GPM6B: variants seen among roughly 807,000 people sequenced by gnomAD.
GPM6B encodes the protein glycoprotein M6B.
Under a neutral mutation model 27.2 loss-of-function variants are expected in GPM6B, and 4 were observed. The observed-to-expected ratio is 0.15, with a 90% CI of 0.07 to 0.34. GPM6B has a LOEUF of 0.34. Ranked by LOEUF, GPM6B falls within the 10% of genes least tolerant of loss-of-function variation. The pLI, the probability that GPM6B is intolerant of heterozygous loss-of-function variation, is 1.00. For synonymous variants in GPM6B, 124 were observed against 103.1 expected (o/e 1.20, Z -1.23); for missense variants, 183 against 261.9 (o/e 0.70, Z 2.08).
chrX:13,813,537 C>G (rs1278146137), intron 1 of GPM6B, among the ~76,000 whole-genome samples: 1 of 111,777 alleles, frequency 8.9e-6, no homozygotes, highest in Non-Finnish European at 1.9e-5. Context: ...AATTCAATTA[C>G]CTACATATAA....
At chrX:13,911,383 TACAG>T (rs2050377543) in intron 1 of GPM6B, among the ~76,000 whole-genome samples, 1 of 112,071 alleles carries the variant, frequency 8.9e-6, no homozygotes, top group Non-Finnish European at 1.9e-5. Flanking sequence ...CTTAGGTGGC[TACAG>T]ACAAATGCTG....
intron 1 of GPM6B, among the ~76,000 whole-genome samples, chrX:13,855,712 T>C (rs1056183115): frequency 1.8e-5 from 2 of 112,138 alleles, no homozygotes; most frequent in Non-Finnish European, 3.8e-5. Flanking sequence ...CCTGTATAAC[T>C]GAACCCAAGA....
intron 1 of GPM6B, among the ~76,000 whole-genome samples, chrX:13,906,026 T>C (rs183517013): frequency 7.1e-5 from 8 of 112,685 alleles, no homozygotes; most frequent in East Asian, 5.5e-4. Context: ...ACCAGCTTCA[T>C]AGACTTCATT....
intron 1 of GPM6B, among the ~76,000 whole-genome samples, chrX:13,932,718 C>T (rs1178616110): frequency 2.7e-5 from 3 of 111,924 alleles, no homozygotes; most frequent in African/African-American, 9.7e-5. Flanking sequence ...AAACACAAAG[C>T]TGCCATTGCC....
upstream of GPM6B, among the ~76,000 whole-genome samples, chrX:13,820,658 T>C (rs1022594566): frequency 1.8e-5 from 2 of 111,186 alleles, no homozygotes; most frequent in African/African-American, 3.3e-5. Context: ...GTCCCCTTAA[T>C]CTGGATTTGA....
intron 5 of GPM6B, among the ~76,000 whole-genome samples, chrX:13,778,055 T>TG: frequency 3.7e-5 from 1 of 26,784 alleles, no homozygotes; most frequent in East Asian, 1.3e-3. Context: ...AATTGGTTTG[T>TG]TTTTTTTTTT....
chrX:13,829,013 C>A (rs758599709), intron 1 of GPM6B, among the ~76,000 whole-genome samples: 1 of 111,417 alleles, frequency 9.0e-6, no homozygotes, highest in African/African-American at 3.3e-5. Flanking sequence ...ATGGCAGGAA[C>A]AAAAGCTCAA....
chrX:13,938,608 G>A (rs1015256115), upstream of GPM6B: 2 of 418,150 alleles, frequency 4.8e-6, no homozygotes, highest in Non-Finnish European at 7.1e-6. Flanking sequence ...TCGCGGGCAC[G>A]TGCGCTGACC....
At chrX:13,821,637 C>G (rs753006803), upstream of GPM6B, among the ~76,000 whole-genome samples, 1 of 111,818 alleles carries the variant, frequency 8.9e-6, no homozygotes, top group Non-Finnish European at 1.9e-5. Flanking sequence ...GCTCTTGTTG[C>G]CTAGGCTGGA....
At chrX:13,923,413 G>A (rs749687038) in intron 1 of GPM6B, among the ~76,000 whole-genome samples, 8 of 111,906 alleles carry the variant, frequency 7.1e-5, no homozygotes, top group African/African-American at 3.2e-5. Context: ...TTGAGGCCTT[G>A]TTGAGGAATA....
At chrX:13,801,038 TAA>T (rs76875109) in intron 2 of GPM6B, among the ~76,000 whole-genome samples, 16 of 94,054 alleles carry the variant, frequency 1.7e-4, no homozygotes, top group African/African-American at 3.5e-4. Context: ...ACCTCATACT[TAA>T]AAAAAAAAAA....
intron 2 of GPM6B, among the ~76,000 whole-genome samples, chrX:13,801,050 A>G (rs111714800): frequency 1.2e-4 from 13 of 110,820 alleles, no homozygotes; most frequent in East Asian, 2.8e-4. Flanking sequence ...AAAAAAAAAA[A>G]AAAGAAAGAA....
intron 7 of GPM6B, among the ~76,000 whole-genome samples, chrX:13,775,806 C>G (rs2048402245): frequency 8.9e-6 from 1 of 112,276 alleles, no homozygotes; most frequent in Admixed American, 9.4e-5. Context: ...CTTGAGGTGA[C>G]TTTATGGAAC....
chrX:13,888,093 C>T (rs1490181722), intron 1 of GPM6B, among the ~76,000 whole-genome samples: 3 of 112,008 alleles, frequency 2.7e-5, no homozygotes, highest in Admixed American at 9.5e-5. Flanking sequence ...CTTTCAGTAC[C>T]CAACTATTTT....
At chrX:13,859,209 T>C (rs2049815329) in intron 1 of GPM6B, among the ~76,000 whole-genome samples, 1 of 112,212 alleles carries the variant, frequency 8.9e-6, no homozygotes, top group Admixed American at 9.5e-5. Context: ...TCCCCCACTT[T>C]ACAAAGTTTC....
At chrX:13,865,559 AAAAG>A (rs1555923732) in intron 1 of GPM6B, among the ~76,000 whole-genome samples, 734 of 52,812 alleles carry the variant, frequency 0.014, 12 homozygotes, top group African/African-American at 0.032. Context: ...AAAAAAAAAA[AAAAG>A]AAAGAAAGAA....
At chrX:13,800,510 A>G (rs948519164) in intron 2 of GPM6B, among the ~76,000 whole-genome samples, 1 of 112,672 alleles carries the variant, frequency 8.9e-6, no homozygotes, top group Admixed American at 9.4e-5. Context: ...ATGTTTTTGC[A>G]TTGGCTCTTA....
rs146520483 is a variant in GPM6B at position 13,833,256 on chromosome X, G to A, written c.-197-47448C>T. Among the ~76,000 whole-genome samples the A allele has an allele frequency of 3.8e-3, 424 of 111,574 alleles. 1 individual carries two copies. The highest frequency in any genetic ancestry group is 0.022 in the South Asian group (58 of 2,629). On this transcript the variant is annotated intron_variant, in intron 1 of 6. Transcript: ENST00000398361. ...GTACATTCATAATTTCTACATCAAT[G>A]ACATACTGTATTGCCGAAACAAATG...
In GPM6B at chrX:13,779,755, T is replaced by G. The variant is rs56159075; in HGVS notation, c.697+63A>C. Reference sequence around the variant, plus strand: ...AAAGGATGCGCATGTAATAATTAGGTCCAGACATATGCACGAGAGGATAAT... The same window carrying G: ...AAAGGATGCGCATGTAATAATTAGGGCCAGACATATGCACGAGAGGATAAT... On this transcript the variant is annotated intron_variant, in intron 5 of 7. Transcript: ENST00000316715. The G allele has an allele frequency of 7.9e-4, 728 of 923,473 alleles. 1 individual carries two copies. The highest frequency in any genetic ancestry group is 1.0e-3 in the Non-Finnish European group (681 of 669,782). The allele number at this position is 923,473 out of a possible 1,213,427, so 76.1% of individuals were successfully genotyped here. A position where few individuals can be genotyped will look rare whatever the true frequency, so the allele number is the denominator to read the frequency against.
Sources: allele counts gnomAD v4.1 joint callset (sites outside exome capture counted in the v4.1 genomes callset), GRCh38; gene constraint gnomAD v4.1.1; transcripts MANE v1.5; gene names NCBI Gene and HGNC (gene_info 2026-07-23, HGNC 2026-07-21).